The following CDH4 variants were observed in gnomAD, a reference collection of about 807,000 sequenced individuals.
CDH4 encodes cadherin 4.
Under a neutral mutation model 86.0 loss-of-function variants are expected in CDH4, and 33 were observed. The ratio of observed to expected loss-of-function variants is 0.38; its 90% CI spans 0.29 to 0.51. The LOEUF is 0.51. CDH4 is among the 20% of genes least tolerant of loss of function. The pLI is 0.86. For missense variants in CDH4, 1,114 were observed against 1,307.4 expected, an observed-to-expected ratio of 0.85 and a Z score of 2.28; for synonymous variants, 555 against 549.4, an observed-to-expected ratio of 1.01 and a Z score of -0.14.
rs539233615 is a variant in CDH4, at chr20:61,399,817, G to A, written c.169+144880G>A. The stretch of plus-strand genomic sequence containing the variant: ...TCCTGAGGGGAGGAACTCAGAGCCT[G>A]CCCTGCAGGGGCTCGGGGACAATGG... On this transcript the variant is annotated intron_variant, in intron 2 of 15. Transcript: ENST00000614565. Among the ~76,000 whole-genome samples, 16 of 152,310 alleles carry A rather than the reference G, an allele frequency of 1.1e-4. No individual in the cohort carries two copies. The South Asian group carries it at 3.3e-3, about 32-fold the overall frequency.
intron 2 of CDH4, among the ~76,000 whole-genome samples, chr20:61,313,594 A>G (rs762536788): frequency 6.6e-6 from 1 of 152,184 alleles, no homozygotes; most frequent in Non-Finnish European, 1.5e-5. Flanking sequence ...GCATGAGATG[A>G]ATGAGCGCTG....
chr20:61,924,045 C>T (rs937424835), intron 10 of CDH4, among the ~76,000 whole-genome samples: 1 of 151,898 alleles, frequency 6.6e-6, no homozygotes, highest in Non-Finnish European at 1.5e-5. Context: ...TCGATGGGGA[C>T]AATGAGGGCG....
intron 2 of CDH4, among the ~76,000 whole-genome samples, chr20:61,648,188 A>G (rs1485587799): frequency 1.3e-5 from 2 of 152,200 alleles, no homozygotes; most frequent in African/African-American, 4.8e-5. Flanking sequence ...GAAGATGAAG[A>G]CTTGTTCAAG....
At chr20:61,884,370 C>T (rs916943691) in intron 7 of CDH4, among the ~76,000 whole-genome samples, 7 of 152,240 alleles carry the variant, frequency 4.6e-5, no homozygotes, top group Non-Finnish European at 7.3e-5. Flanking sequence ...GGCCGGGTCC[C>T]TGGTTTTCAG....
intron 3 of CDH4, among the ~76,000 whole-genome samples, chr20:61,755,378 A>ACACACACGCCCCATGCACAC (rs2088550793): frequency 6.8e-6 from 1 of 147,006 alleles, no homozygotes; most frequent in Non-Finnish European, 1.5e-5. Context: ...CCACACACAC[A>ACACACACGCCCCATGCACAC]CACACACACA....
intron 2 of CDH4, among the ~76,000 whole-genome samples, chr20:61,285,425 G>A (rs1014368684): frequency 2.0e-5 from 3 of 152,166 alleles, no homozygotes; most frequent in Non-Finnish European, 2.9e-5. Context: ...GGACGGGTCC[G>A]AGGCCGTGGC....
chr20:61,281,693 G>T (rs569927759), intron 2 of CDH4, among the ~76,000 whole-genome samples: 1 of 152,318 alleles, frequency 6.6e-6, no homozygotes, highest in African/African-American at 2.4e-5. Flanking sequence ...CTCAGTGTTG[G>T]GGGGCAAGGC....
chr20:61,347,722 G>T (rs1220845955), intron 2 of CDH4, among the ~76,000 whole-genome samples: 3 of 152,228 alleles, frequency 2.0e-5, no homozygotes, highest in Non-Finnish European at 4.4e-5. Flanking sequence ...GCTGGTGTTT[G>T]CGAAGCGCCA....
In CDH4 at chr20:61,325,946, C is replaced by T. The variant is rs571177762; in HGVS notation, c.169+71009C>T. Among the ~76,000 whole-genome samples, 33 of 152,300 alleles carry T rather than the reference C, an allele frequency of 2.2e-4. No homozygotes were observed. In the South Asian group the frequency reaches 5.8e-3, roughly 27 times the overall value. On this transcript the variant is annotated intron_variant, in intron 2 of 15. Transcript: ENST00000614565. ...TGGCCTGGTCAGTGCCGTGCCATTC[C>T]CAGCTTCTCGCTCTCCCTGATGGTG...
chr20:61,485,564 G>T (rs529280523), intron 2 of CDH4, among the ~76,000 whole-genome samples: 116 of 152,334 alleles, frequency 7.6e-4, no homozygotes, highest in Non-Finnish European at 1.4e-3. Flanking sequence ...GCCAGACGAG[G>T]CCCAGGTGTG....
In CDH4 at chr20:61,517,836, C is replaced by T. The variant is rs2085833477; in HGVS notation, c.170-225727C>T. Among the ~76,000 whole-genome samples the T allele has an allele frequency of 6.6e-6, 1 of 152,264 alleles. No homozygotes were observed. The highest frequency in any genetic ancestry group is 2.1e-4 in the South Asian group (1 of 4,820). On this transcript the variant is annotated intron_variant, in intron 2 of 15. Transcript: ENST00000614565. This position sits in a 1 kb window ranked among gnomAD's most constrained non-coding sequence, Gnocchi z 6.6. Reference sequence around the variant, plus strand: ...GGGTTCATCGTTTTAGCTGAGTTACCTCTTATTTCATTTATTCTCAGTTCC... The same window carrying T: ...GGGTTCATCGTTTTAGCTGAGTTACTTCTTATTTCATTTATTCTCAGTTCC...
chr20:61,663,518 C>G lies in CDH4; in HGVS notation c.170-80045C>G, dbSNP rs2087284980. On this transcript the variant is annotated intron_variant, in intron 2 of 15. Transcript: ENST00000614565. This position sits in a 1 kb window ranked among gnomAD's most constrained non-coding sequence, Gnocchi z 5.0. ...ATGCTGGGGATGCCGCCGAGTGGGT[C>G]AGAGGGGCCGGAGGAAGGTGAACAG... Among the ~76,000 whole-genome samples the G allele has an allele frequency of 6.6e-6, 1 of 151,888 alleles. No individual in the cohort carries two copies. Among genetic ancestry groups the G allele is most frequent in the Admixed American group, 6.6e-5 (1 of 15,260 alleles).
chr20:61,585,677 TGGTG>T (rs2086463938), intron 2 of CDH4, among the ~76,000 whole-genome samples: 1 of 19,452 alleles, frequency 5.1e-5, no homozygotes, highest in Non-Finnish European at 1.5e-4. Context: ...GTGATGGTGA[TGGTG>T]ATGGTGATGA....
At chr20:61,722,387 A>T (rs1173745881) in intron 2 of CDH4, among the ~76,000 whole-genome samples, 14 of 152,200 alleles carry the variant, frequency 9.2e-5, no homozygotes, top group Non-Finnish European at 1.5e-5. Flanking sequence ...TCCTTGGCAC[A>T]GAGCCCACTC....
At chr20:61,468,993 T>C (rs931550620) in intron 2 of CDH4, among the ~76,000 whole-genome samples, 4 of 152,238 alleles carry the variant, frequency 2.6e-5, no homozygotes, top group Admixed American at 6.5e-5. Flanking sequence ...AAATTTTGAC[T>C]GTTGGGAATA....
At chr20:61,767,194 A>G (rs528793983) in intron 3 of CDH4, among the ~76,000 whole-genome samples, 16 of 152,340 alleles carry the variant, frequency 1.1e-4, no homozygotes, top group African/African-American at 3.4e-4. Context: ...CCACATGAGC[A>G]TGCAGGAGAC....
chr20:61,478,552 G>A (rs779413339), intron 2 of CDH4, among the ~76,000 whole-genome samples: 1 of 152,182 alleles, frequency 6.6e-6, no homozygotes, highest in African/African-American at 2.4e-5. Flanking sequence ...TGGTGTGAAC[G>A]TGCCCTCCAT....
intron 6 of CDH4, among the ~76,000 whole-genome samples, chr20:61,871,020 G>A (rs1047498923): frequency 2.7e-5 from 4 of 145,790 alleles, no homozygotes; most frequent in East Asian, 2.0e-4. Flanking sequence ...TAAACATTAC[G>A]TATATGTATA....
At chr20:61,496,596 C>A (rs763371) in intron 2 of CDH4, among the ~76,000 whole-genome samples, 58,090 of 152,036 alleles carry the variant, frequency 0.38, 12,933 homozygotes, top group Admixed American at 0.5. Context: ...AATGAAGCAA[C>A]ATTTCCTAGA....
Sources: gnomAD v4.1 joint callset for allele counts (sites outside exome capture counted in the v4.1 genomes callset) on GRCh38, gnomAD v4.1.1 for gene constraint, Gnocchi (gnomAD v3.1) non-coding constraint, MANE v1.5 for transcripts, NCBI Gene and HGNC (gene_info 2026-07-23, HGNC 2026-07-21) for gene names.